Variants in NKAIN2 observed in about 807,000 individuals in gnomAD.
NKAIN2 encodes sodium/potassium transporting ATPase interacting 2.
NKAIN2 carries 14 observed loss-of-function variants against 32.6 expected under a neutral mutation model. That is an observed-to-expected ratio of 0.43 (90% CI 0.28 to 0.67). The LOEUF (loss-of-function observed/expected upper bound fraction) is 0.67. Ranked by LOEUF, NKAIN2 falls within the 30% of genes least tolerant of loss-of-function variation. The pLI, the probability that NKAIN2 is intolerant of heterozygous loss-of-function variation, is 0.17. For synonymous variants in NKAIN2, 80 were observed against 87.2 expected, an observed-to-expected ratio of 0.92 and a Z score of 0.46; for missense variants, 198 against 258.3, an observed-to-expected ratio of 0.77 and a Z score of 1.60.
At chr6:124,540,611 A>G (rs1382396767) in intron 3 of NKAIN2, among the ~76,000 whole-genome samples, 3 of 152,224 alleles carry the variant, frequency 2.0e-5, no homozygotes, top group African/African-American at 7.2e-5. Flanking sequence ...TGTAAGACTC[A>G]GTTAACAGGT....
At chr6:124,661,151 G>A (rs1417043041) in intron 4 of NKAIN2, among the ~76,000 whole-genome samples, 1 of 152,192 alleles carries the variant, frequency 6.6e-6, no homozygotes, top group Non-Finnish European at 1.5e-5. Context: ...AAGCACAAAC[G>A]AGGTGCAAAC....
intron 1 of NKAIN2, among the ~76,000 whole-genome samples, chr6:124,139,292 G>C (rs1295098023): frequency 1.3e-5 from 2 of 149,542 alleles, no homozygotes; most frequent in African/African-American, 2.5e-5. Context: ...GTTTCACCTT[G>C]TTAGCCAGGA....
chr6:124,733,859 A>G (rs145571158), intron 4 of NKAIN2, among the ~76,000 whole-genome samples: 1 of 151,930 alleles, frequency 6.6e-6, no homozygotes, highest in African/African-American at 2.4e-5. Context: ...GTATACACAC[A>G]CATATTTTCT....
chr6:124,485,163 G>A (rs1400061809), intron 3 of NKAIN2, among the ~76,000 whole-genome samples: 2 of 152,060 alleles, frequency 1.3e-5, no homozygotes, highest in Non-Finnish European at 2.9e-5. Context: ...TCAAAGGATG[G>A]GCCAGGACCA....
chr6:124,167,512 C>G (rs957467322), intron 1 of NKAIN2, among the ~76,000 whole-genome samples: 8 of 152,138 alleles, frequency 5.3e-5, no homozygotes, highest in African/African-American at 1.7e-4. Context: ...CCCTTTATTT[C>G]CTTCTCCTGC....
intron 1 of NKAIN2, among the ~76,000 whole-genome samples, chr6:124,103,129 G>A (rs184573623): frequency 6.6e-5 from 10 of 152,180 alleles, no homozygotes; most frequent in African/African-American, 2.2e-4. Context: ...ATGTGGTAAA[G>A]GGTTTACAGT....
chr6:124,250,234 C>A (rs1432423641), intron 1 of NKAIN2, among the ~76,000 whole-genome samples: 1 of 151,984 alleles, frequency 6.6e-6, no homozygotes, highest in East Asian at 1.9e-4. Context: ...TCCTGCCTCC[C>A]AAAAGGTGAA....
intron 1 of NKAIN2, among the ~76,000 whole-genome samples, chr6:123,928,556 A>T (rs571544231): frequency 3.3e-5 from 5 of 152,220 alleles, no homozygotes; most frequent in Admixed American, 6.5e-5. Flanking sequence ...AGAAAATTCT[A>T]TTTCTTAGCC....
chr6:123,945,372 G>T lies in NKAIN2; in HGVS notation c.54+141118G>T, dbSNP rs572132364. ...TTAATATGAACACTGCTTTCAATTTGTCATGTCAGTGTGTCTGTGACTGTG... is the reference window on the plus strand; with the variant it reads ...TTAATATGAACACTGCTTTCAATTTTTCATGTCAGTGTGTCTGTGACTGTG... On this transcript the variant is annotated intron_variant, in intron 1 of 6. Coordinates refer to ENST00000368417, the MANE Select transcript of NKAIN2 (RefSeq NM_001040214.3). 8.5e-5 allele frequency among the ~76,000 whole-genome samples: 13 copies of T among 152,190 alleles called. No individual in the cohort carries two copies. In the South Asian group the frequency reaches 2.3e-3, roughly 27 times the overall value.
At chr6:124,482,978 C>T (rs1011872915) in intron 3 of NKAIN2, among the ~76,000 whole-genome samples, 2 of 152,042 alleles carry the variant, frequency 1.3e-5, no homozygotes, top group Admixed American at 6.6e-5. Context: ...AAAAATTAGC[C>T]GGGCGTGGTG....
chr6:124,742,319 A>G (rs977533516), intron 4 of NKAIN2, among the ~76,000 whole-genome samples: 1 of 151,872 alleles, frequency 6.6e-6, no homozygotes, highest in Non-Finnish European at 1.5e-5. Context: ...GAGGGCCTGA[A>G]TAGAACAAAA....
At chr6:124,507,315 C>A (rs1778523988) in intron 3 of NKAIN2, among the ~76,000 whole-genome samples, 1 of 152,124 alleles carries the variant, frequency 6.6e-6, no homozygotes, top group Non-Finnish European at 1.5e-5. Context: ...AAGCAGTTTT[C>A]TCAGAACAAG....
intron 2 of NKAIN2, among the ~76,000 whole-genome samples, chr6:124,299,523 G>A (rs1796210956): frequency 1.3e-5 from 2 of 152,194 alleles, no homozygotes; most frequent in South Asian, 2.1e-4. Context: ...GATTCATGAT[G>A]TAAATTGTTG....
intron 1 of NKAIN2, among the ~76,000 whole-genome samples, chr6:124,137,375 G>A (rs950981239): frequency 1.3e-5 from 2 of 151,938 alleles, no homozygotes; most frequent in African/African-American, 4.8e-5. Context: ...ACAACAAATG[G>A]GAACACATCC....
intron 1 of NKAIN2, among the ~76,000 whole-genome samples, chr6:124,036,722 AC>A (rs964949715): frequency 6.6e-6 from 1 of 151,990 alleles, no homozygotes; most frequent in African/African-American, 2.4e-5. Flanking sequence ...GTCAAACTAT[AC>A]CCTATAGGAA....
At chr6:124,535,112 C>A (rs558422461) in intron 3 of NKAIN2, among the ~76,000 whole-genome samples, 2 of 152,228 alleles carry the variant, frequency 1.3e-5, no homozygotes, top group African/African-American at 4.8e-5. Context: ...ACAGATGCAA[C>A]CATATTTTTT....
intron 3 of NKAIN2, among the ~76,000 whole-genome samples, chr6:124,452,124 G>A (rs1776132086): frequency 6.6e-6 from 1 of 151,384 alleles, no homozygotes; most frequent in Non-Finnish European, 1.5e-5. Context: ...GAGCCTGGGA[G>A]GCAGAGGTTG....
intron 2 of NKAIN2, among the ~76,000 whole-genome samples, chr6:124,300,008 G>C (rs1226817245): frequency 6.6e-6 from 1 of 152,312 alleles, no homozygotes; most frequent in Admixed American, 6.5e-5. Flanking sequence ...TCCAGAGGCA[G>C]AGTTGGGTGA....
chr6:124,652,943 A>G (rs1399012756), intron 3 of NKAIN2, among the ~76,000 whole-genome samples: 2 of 152,196 alleles, frequency 1.3e-5, no homozygotes, highest in Non-Finnish European at 2.9e-5. Context: ...CATTCAAACT[A>G]CAGCAAAATC....
Sources: allele counts gnomAD v4.1 joint callset (sites outside exome capture counted in the v4.1 genomes callset), GRCh38; gene constraint gnomAD v4.1.1; transcripts MANE v1.5; gene names NCBI Gene and HGNC (gene_info 2026-07-23, HGNC 2026-07-21).